CYBB: variants seen among roughly 807,000 people sequenced by gnomAD.
The protein encoded by CYBB is cytochrome b-245 beta chain, also known as NADPH oxidase 2.
Under a neutral mutation model 46.5 loss-of-function variants are expected in CYBB, and 5 were observed. The observed-to-expected ratio is 0.11, with a 90% confidence interval of 0.06 to 0.23. The LOEUF is 0.23. Among genes scored for constraint, CYBB ranks in the 10% least tolerant of loss-of-function variants. The pLI is 1.00. For synonymous variants in CYBB, 183 were observed against 156.7 expected (o/e 1.17, Z -1.26); for missense variants, 307 against 428.3 (o/e 0.72, Z 2.50).
chrX:37,802,019 T>C (rs1929456060), intron 8 of CYBB, among the ~76,000 whole-genome samples: 1 of 111,911 alleles, frequency 8.9e-6, no homozygotes, highest in Non-Finnish European at 1.9e-5. Context: ...ATGGAACTCC[T>C]TGTTATAATT....
chrX:37,793,850 A>C (rs782203572), intron 5 of CYBB, 40 bp downstream of exon 5: 1 of 1,153,141 alleles, frequency 8.7e-7, no homozygotes, highest in Admixed American at 2.2e-5. Flanking sequence ...TCTCTAGGCC[A>C]TTACAATTGA....
At chrX:37,789,092 G>A (rs782717116) in intron 3 of CYBB, among the ~76,000 whole-genome samples, 1 of 110,968 alleles carries the variant, frequency 9.0e-6, no homozygotes, top group Non-Finnish European at 1.9e-5. Flanking sequence ...ATCATCTAGG[G>A]TCCACTCAAA....
intron 10 of CYBB, among the ~76,000 whole-genome samples, chrX:37,805,895 T>C (rs1318364259): frequency 1.8e-5 from 2 of 112,353 alleles, no homozygotes; most frequent in Admixed American, 1.9e-4. Context: ...AGATAAACTC[T>C]AATAGGGACA....
intron 6 of CYBB, 43 bp downstream of exon 6, chrX:37,796,184 A>G (rs1556468437): frequency 2.7e-6 from 3 of 1,094,773 alleles, no homozygotes; most frequent in South Asian, 3.7e-5. Flanking sequence ...ATGTCCCTCA[A>G]TTTCTAGGCA....
In CYBB at chrX:37,810,914, C is replaced by T. The variant is rs1929661318; in HGVS notation, c.1710C>T (p.Phe570=). 2 of 1,204,609 alleles carry T rather than the reference C, an allele frequency of 1.7e-6. No homozygotes were observed. Among genetic ancestry groups the T allele is most frequent in the African/African-American group, 1.8e-5 (1 of 57,099 alleles). The part of the protein sequence containing the change: ...GVHFIFNKEN[F] ...ATTTCATTTTCAACAAGGAAAACTT[C>T]TAACTTGTCTCTTCCATGAGGAAAT... Residue 570 remains phenylalanine (F), a synonymous_variant, in exon 13 of 13, where the codon TTC becomes TTT. Coordinates refer to ENST00000378588, the MANE Select transcript of CYBB (RefSeq NM_000397.4).
rs781837837 is a variant in CYBB, at chrX:37,809,537, T to C, written c.1462-30T>C. ...TATGTGCTTTTACAGAATGTCTCTT[T>C]TTTTTCTGAATTCATGTCCTTTCCT... is the stretch of plus-strand genomic sequence containing the variant. On this transcript the variant is annotated intron_variant, in intron 11 of 12. Transcript: ENST00000378588. 2.0e-5 allele frequency: 24 copies of C among 1,179,206 alleles called. No individual in the cohort carries two copies. In the African/African-American group the frequency reaches 3.7e-4, roughly 18 times the overall value.
At chrX:37,810,290 A>G (rs1169490116) in intron 12 of CYBB, among the ~76,000 whole-genome samples, 2 of 112,149 alleles carry the variant, frequency 1.8e-5, no homozygotes, top group Admixed American at 1.9e-4. Flanking sequence ...TAAAATGCAG[A>G]TACCAATTTA....
rs35651685 is a variant in CYBB, at chrX:37,792,216, T to A, written c.337+157T>A. Among the ~76,000 whole-genome samples, 324 of 111,751 alleles carry A rather than the reference T, an allele frequency of 2.9e-3. 1 individual carries two copies. The highest frequency in any genetic ancestry group is 9.9e-3 in the African/African-American group (307 of 30,856). On this transcript the variant is annotated intron_variant, in intron 4 of 12. Transcript: ENST00000378588. ...TTGCTCAAAAGTATTTACCACACTT[T>A]CTGCCACTTCAATATTAGGATTTAT... is the stretch of plus-strand genomic sequence containing the variant.
chrX:37,805,774 A>C (rs1414638681), intron 10 of CYBB, among the ~76,000 whole-genome samples: 4 of 111,173 alleles, frequency 3.6e-5, no homozygotes, highest in African/African-American at 1.3e-4. Context: ...CTACTTATGA[A>C]TATCTCCTCA....
At chrX:37,803,033 G>A (rs1392921507) in intron 8 of CYBB, among the ~76,000 whole-genome samples, 1 of 111,892 alleles carries the variant, frequency 8.9e-6, no homozygotes, top group Non-Finnish European at 1.9e-5. Context: ...TGTTATAAAC[G>A]TGTGTACGTA....
rs782014879 is a variant in CYBB, at chrX:37,780,085, A to C, written c.8A>C (p.Asn3Thr). The C allele has an allele frequency of 4.1e-6, 5 of 1,208,415 alleles. No individual in the cohort carries two copies. In the East Asian group the frequency reaches 1.2e-4, roughly 29 times the overall value. ...CATTCAACCTCTGCCACCATGGGGA[A>C]CTGGGCTGTGAATGAGGGGCTCTCC... MG[N>T]WAVNEGLSIF... The change falls in exon 1 of 13, where the codon AAC becomes ACC. Residue 3 changes from asparagine to threonine, a missense_variant. By Grantham distance (65) the Asn-to-Thr change is moderately conservative (BLOSUM62 0). Transcript: ENST00000378588.
intron 12 of CYBB, 86 bp from the exon 13 acceptor site, chrX:37,810,705 C>T (rs1392327465): frequency 1.9e-6 from 2 of 1,043,613 alleles, no homozygotes; most frequent in East Asian, 3.1e-5. Flanking sequence ...GCCCTGGGGC[C>T]TCAAATTAAC....
chrX:37,795,832 C>T, intron 5 of CYBB, 119 bp from the exon 6 acceptor site: 1 of 526,695 alleles, frequency 1.9e-6, no homozygotes, highest in Non-Finnish European at 3.3e-6. Context: ...TTGTTCTATA[C>T]ATTGGACACT....
At chrX:37,790,757 A>G (rs1929182510) in intron 3 of CYBB, among the ~76,000 whole-genome samples, 1 of 111,510 alleles carries the variant, frequency 9.0e-6, no homozygotes, top group South Asian at 3.7e-4. Flanking sequence ...TAAGCCAAAT[A>G]TTAAACACCC....
intron 5 of CYBB, among the ~76,000 whole-genome samples, chrX:37,795,556 C>T (rs1450532642): frequency 9.0e-6 from 1 of 111,503 alleles, no homozygotes; most frequent in East Asian, 2.8e-4. Context: ...TTCAGCATTC[C>T]CAGAATATAT....
chrX:37,794,999 T>C (rs112306617), intron 5 of CYBB, among the ~76,000 whole-genome samples: 1,537 of 111,958 alleles, frequency 0.014, 15 homozygotes, highest in Middle Eastern at 0.046. Flanking sequence ...ACATTATTCA[T>C]TGTTTGCCCA....
At chrX:37,791,779 C>T (rs187709030) in intron 3 of CYBB, among the ~76,000 whole-genome samples, 196 bp from the exon 4 acceptor site, 158 of 111,903 alleles carry the variant, frequency 1.4e-3, no homozygotes, top group Non-Finnish European at 1.9e-3. Context: ...AGCCATGTCA[C>T]TTACTGGCTG....
intron 5 of CYBB, 77 bp downstream of exon 5, chrX:37,793,887 T>C: frequency 1.0e-6 from 1 of 977,021 alleles, no homozygotes; most frequent in South Asian, 2.1e-5. Context: ...AGTGAAGACC[T>C]CTCCTTTGCC....
chrX:37,802,208 T>C (rs1929461255), intron 8 of CYBB, among the ~76,000 whole-genome samples: 1 of 111,501 alleles, frequency 9.0e-6, no homozygotes, highest in Non-Finnish European at 1.9e-5. Context: ...GTAAAGTTAG[T>C]TCAGCTGGCT....
Sources: gnomAD v4.1 joint callset for allele counts (sites outside exome capture counted in the v4.1 genomes callset) on GRCh38, gnomAD v4.1.1 for gene constraint, MANE v1.5 for transcripts, NCBI Gene and HGNC (gene_info 2026-07-23, HGNC 2026-07-21) for gene names.